Variants in AKAP6 observed in about 807,000 individuals in gnomAD.
AKAP6 encodes A-kinase anchor protein 6.
A neutral mutation model predicts 188.5 loss-of-function variants in AKAP6; 58 were observed. The observed-to-expected ratio is 0.31, with a 90% CI of 0.25 to 0.38. AKAP6 has a LOEUF of 0.38. Among genes scored for constraint, AKAP6 ranks in the 10% least tolerant of loss-of-function variants. The pLI is 1.00. For synonymous variants in AKAP6, 989 were observed against 998.6 expected (o/e 0.99, Z 0.18); for missense variants, 2,710 against 2,740.0 (o/e 0.99, Z 0.24).
intron 4 of AKAP6, among the ~76,000 whole-genome samples, chr14:32,564,517 A>G (rs1566577933): frequency 1.3e-5 from 2 of 152,164 alleles, no homozygotes; most frequent in East Asian, 3.9e-4. Flanking sequence ...TTGGGAGAGG[A>G]GCATTTGAGC....
intron 1 of AKAP6, among the ~76,000 whole-genome samples, chr14:32,428,807 G>C (rs897017288): frequency 2.6e-5 from 4 of 152,160 alleles, no homozygotes; most frequent in Non-Finnish European, 4.4e-5. Context: ...AACAGTCCTT[G>C]TTAGTAAGCC....
chr14:32,457,730 C>T (rs776695547), intron 2 of AKAP6, among the ~76,000 whole-genome samples: 17 of 152,230 alleles, frequency 1.1e-4, no homozygotes, highest in South Asian at 8.3e-4. Flanking sequence ...TTTTCATCTA[C>T]GTCATAAACA....
chr14:32,648,009 AAG>A (rs1380972351), intron 7 of AKAP6, among the ~76,000 whole-genome samples: 2 of 152,092 alleles, frequency 1.3e-5, no homozygotes, highest in Non-Finnish European at 2.9e-5. Flanking sequence ...GGGCTTTATC[AAG>A]AGTCTTTAGA....
chr14:32,800,207 T>C (rs28787322), intron 12 of AKAP6, among the ~76,000 whole-genome samples: 4 of 146,994 alleles, frequency 2.7e-5, no homozygotes, highest in Admixed American at 6.8e-5. Context: ...TACATATATA[T>C]ACACACATCT....
chr14:32,776,503 C>T (rs2033070165), intron 12 of AKAP6, among the ~76,000 whole-genome samples: 1 of 152,130 alleles, frequency 6.6e-6, no homozygotes, highest in Admixed American at 6.6e-5. Flanking sequence ...ATTATTCAGT[C>T]TTGGGTATGT....
intron 12 of AKAP6, among the ~76,000 whole-genome samples, chr14:32,802,871 G>A (rs1472954187): frequency 6.6e-6 from 1 of 152,200 alleles, no homozygotes; most frequent in Non-Finnish European, 1.5e-5. Flanking sequence ...GCCAAGATGG[G>A]CAGATCAGTT....
chr14:32,437,756 C>G lies in AKAP6; in HGVS notation c.324+3939C>G, dbSNP rs371824623. ...AGACTACAAGTGCATGCCACTATGC[C>G]CAGCTAATGTTTGTATTTTGTGTAG... On this transcript the variant is annotated intron_variant, in intron 2 of 13. Transcript: ENST00000280979. Among the ~76,000 whole-genome samples, 7 of 152,182 alleles carry G rather than the reference C, an allele frequency of 4.6e-5. No homozygotes were observed. The South Asian group carries it at 8.3e-4, about 18-fold the overall frequency.
chr14:32,617,448 A>C (rs1033635535), intron 7 of AKAP6, among the ~76,000 whole-genome samples: 6 of 151,974 alleles, frequency 3.9e-5, no homozygotes, highest in Non-Finnish European at 5.9e-5. Context: ...TTTGTATTAA[A>C]GATATTCCTC....
At chr14:32,649,534 T>A (rs1888122633) in intron 7 of AKAP6, among the ~76,000 whole-genome samples, 1 of 152,198 alleles carries the variant, frequency 6.6e-6, no homozygotes, top group African/African-American at 2.4e-5. Flanking sequence ...AAAGTTACAA[T>A]AAACTCCAAT....
chr14:32,405,544 C>T (rs1273868963), intron 1 of AKAP6, among the ~76,000 whole-genome samples: 1 of 152,010 alleles, frequency 6.6e-6, no homozygotes, highest in Non-Finnish European at 1.5e-5. Flanking sequence ...TTTCAGTTTG[C>T]AGTTCATTCT....
At chr14:32,551,771 G>T (rs182687153) in intron 4 of AKAP6, among the ~76,000 whole-genome samples, 4 of 151,432 alleles carry the variant, frequency 2.6e-5, no homozygotes, top group Non-Finnish European at 5.9e-5. Flanking sequence ...CCATTCTCCT[G>T]CCTCTGCCTT....
chr14:32,823,168 T>G lies in AKAP6; in HGVS notation c.5355T>G (p.Ile1785Met). Residue 1785 changes from isoleucine to methionine, a missense_variant, in exon 13 of 14, where the codon ATT becomes ATG. Physicochemically the swap from Ile to Met is conservative, Grantham distance 10. Transcript: ENST00000280979. ...DDSSIATDDE[I>M]YEDCTLMSGL... ...CCAGTATTGCAACAGATGATGAAAT[T>G]TATGAAGACTGCACCTTGATGTCAG... 6.2e-7 allele frequency: 1 copy of G among 1,613,698 alleles called. No homozygotes were observed. The highest frequency in any genetic ancestry group is 8.5e-7 in the Non-Finnish European group (1 of 1,179,870).
intron 7 of AKAP6, among the ~76,000 whole-genome samples, chr14:32,605,030 T>C (rs961058240): frequency 3.9e-5 from 6 of 152,142 alleles, no homozygotes; most frequent in Non-Finnish European, 7.4e-5. Flanking sequence ...TGGATCTATG[T>C]GTTCACATTG....
At chr14:32,518,783 C>G (rs1421224463) in intron 2 of AKAP6, among the ~76,000 whole-genome samples, 1 of 152,168 alleles carries the variant, frequency 6.6e-6, no homozygotes, top group East Asian at 1.9e-4. Context: ...AGGATATTAT[C>G]CAGGAGAACT....
chr14:32,680,840 A>G (rs781346835), intron 8 of AKAP6, among the ~76,000 whole-genome samples: 25 of 152,214 alleles, frequency 1.6e-4, no homozygotes, highest in Admixed American at 3.3e-4. Context: ...GTATACAACT[A>G]TGAATTGTGT....
At chr14:32,589,932 A>C (rs1342066068) in intron 5 of AKAP6, among the ~76,000 whole-genome samples, 2 of 152,098 alleles carry the variant, frequency 1.3e-5, no homozygotes, top group South Asian at 2.1e-4. Flanking sequence ...GTCACCTACA[A>C]TCTCTCTCCA....
At chr14:32,486,872 A>AGAGG (rs779800631) in intron 2 of AKAP6, among the ~76,000 whole-genome samples, 2 of 152,200 alleles carry the variant, frequency 1.3e-5, no homozygotes, top group Non-Finnish European at 2.9e-5. Context: ...GAGTGATGAG[A>AGAGG]GAGGGCATCC....
At chr14:32,424,965 T>C (rs936282934) in intron 1 of AKAP6, among the ~76,000 whole-genome samples, 1 of 152,162 alleles carries the variant, frequency 6.6e-6, no homozygotes, top group Admixed American at 6.6e-5. Flanking sequence ...AATGAACATA[T>C]GCATGTATGT....
At chr14:32,661,755 G>A (rs1292479544) in intron 7 of AKAP6, among the ~76,000 whole-genome samples, 2 of 152,012 alleles carry the variant, frequency 1.3e-5, no homozygotes, top group South Asian at 2.1e-4. Context: ...GAAACCCCTG[G>A]TTCTTCTTCT....
Sources: gnomAD v4.1 joint callset for allele counts (sites outside exome capture counted in the v4.1 genomes callset) on GRCh38, gnomAD v4.1.1 for gene constraint, MANE v1.5 for transcripts, NCBI Gene and HGNC (gene_info 2026-07-23, HGNC 2026-07-21) for gene names.